POPDC3: variants seen among roughly 807,000 people sequenced by gnomAD.
The protein encoded by POPDC3 is popeye domain-containing protein 3.
A neutral mutation model predicts 28.2 loss-of-function variants in POPDC3; 20 were observed. The observed-to-expected ratio is 0.71, with a 90% CI of 0.50 to 1.03. The LOEUF (loss-of-function observed/expected upper bound fraction) is 1.03. Ranked by LOEUF, POPDC3 falls within the 50% of genes least tolerant of loss-of-function variation. The probability of loss-of-function intolerance (pLI) is 0.00; values close to 1 mark genes in which losing one functional copy is unlikely to be tolerated. For synonymous variants in POPDC3, 118 were observed against 124.1 expected (o/e 0.95, Z 0.33); for missense variants, 316 against 345.9 (o/e 0.91, Z 0.69).
Position 105,158,511 on chromosome 6 carries a change from T to A in POPDC3, c.835A>T (p.Thr279Ser). 6.2e-7 allele frequency: 1 copy of A among 1,613,986 alleles called. No homozygotes were observed. The highest frequency in any genetic ancestry group is 1.3e-5 in the African/African-American group (1 of 75,040). Residue 279 changes from threonine (T) to serine (S), a missense_variant, in exon 4 of 4, where the codon ACA becomes TCA. Transcript: ENST00000254765. ...CGTCTGGAATTCTGAAAATGTTGTG[T>A]CAGGGGTGATCTGCGTATTTCTGGA... is the stretch of plus-strand genomic sequence containing the variant. ...STPEIRRSPLTQHFQNSRRYC... is the reference protein window; with the variant it reads ...STPEIRRSPLSQHFQNSRRYC...
rs145514874 is a variant in POPDC3 at position 105,158,445 on chromosome 6, T to C, written c.*25A>G. 148 of 1,558,602 alleles carry C rather than the reference T, an allele frequency of 9.5e-5. 1 individual carries two copies. The African/African-American group carries it at 1.8e-3, about 19-fold the overall frequency. On this transcript the variant is annotated 3_prime_UTR_variant, in exon 4 of 4. Transcript: ENST00000254765. Reference sequence around the variant, plus strand: ...ATGATGAAGAGAGAGTCTTTTTTTATACTTATAAATTTCAGACTTTGATGT... The same window carrying C: ...ATGATGAAGAGAGAGTCTTTTTTTACACTTATAAATTTCAGACTTTGATGT...
intron 2 of POPDC3, among the ~76,000 whole-genome samples, chr6:105,160,986 T>C (rs1344547369): frequency 1.3e-5 from 2 of 152,202 alleles, no homozygotes; most frequent in African/African-American, 4.8e-5. Context: ...TCATGGGCAA[T>C]TGCTAGAATT....
At chr6:105,178,561 AAGACACACACACAC>A (rs1256204041) in intron 1 of POPDC3, 4 of 117,684 alleles carry the variant, frequency 3.4e-5, no homozygotes, top group African/African-American at 1.6e-4. Flanking sequence ...CAAACTCCTG[AAGACACACACACAC>A]ACACACACAC....
Position 105,158,451 on chromosome 6 carries a change from T to A in POPDC3, c.*19A>T, listed in dbSNP as rs533264918. On this transcript the variant is annotated 3_prime_UTR_variant, in exon 4 of 4. Coordinates refer to ENST00000254765, the MANE Select transcript of POPDC3 (RefSeq NM_022361.5). ...AAGAGAGAGTCTTTTTTTATACTTA[T>A]AAATTTCAGACTTTGATGTCATTTA... 3.8e-6 allele frequency: 6 copies of A among 1,575,420 alleles called. No individual in the cohort carries two copies. The highest frequency in any genetic ancestry group is 1.4e-5 in the African/African-American group (1 of 73,402).
At chr6:105,178,924 C>G in intron 1 of POPDC3, 2 of 985,394 alleles carry the variant, frequency 2.0e-6, no homozygotes, top group Non-Finnish European at 2.4e-6. Context: ...CTTGCAAATT[C>G]AAAATATCTA....
At position 105,161,261 on chromosome 6, in the gene POPDC3, T is replaced by C. The variant is rs1190285; in HGVS notation, c.485+164A>G. 0.92 allele frequency among the ~76,000 whole-genome samples: 140,586 copies of C among 152,272 alleles called. 65,042 individuals carry two copies. The highest frequency in any genetic ancestry group is 0.96 in the Non-Finnish European group (65,040 of 68,036). On this transcript the variant is annotated intron_variant, in intron 2 of 3. Transcript: ENST00000254765. The stretch of plus-strand genomic sequence containing the variant: ...TGCTTCAAGTAAATAATGCCATATA[T>C]TCTAAATGGCTATGTCTGTGACTCA...
At chr6:105,165,998 C>T (rs2114534432) in intron 1 of POPDC3, among the ~76,000 whole-genome samples, 1 of 152,262 alleles carries the variant, frequency 6.6e-6, no homozygotes, top group South Asian at 2.1e-4. Context: ...GTACTATTAT[C>T]TCCATTTTAC....
chr6:105,166,882 G>A (rs2114535890), intron 1 of POPDC3, among the ~76,000 whole-genome samples: 1 of 151,936 alleles, frequency 6.6e-6, no homozygotes, highest in South Asian at 2.1e-4. Context: ...GTGTGTGTGT[G>A]TGTGTGTGTG....
intron 1 of POPDC3, among the ~76,000 whole-genome samples, chr6:105,173,914 T>C (rs750835138): frequency 6.6e-6 from 1 of 150,538 alleles, no homozygotes; most frequent in Non-Finnish European, 1.5e-5. Context: ...AGAACAGAAA[T>C]AGAAGGAATG....
At chr6:105,173,805 G>A (rs1774628986) in intron 1 of POPDC3, among the ~76,000 whole-genome samples, 1 of 151,868 alleles carries the variant, frequency 6.6e-6, no homozygotes, top group African/African-American at 2.4e-5. Context: ...AATAATTGGT[G>A]TCTTTGAAGT....
At chr6:105,159,584 T>C in intron 3 of POPDC3, 127 bp downstream of exon 3, 6 of 603,712 alleles carry the variant, frequency 9.9e-6, no homozygotes, top group Non-Finnish European at 1.8e-5. Context: ...TCATGTATGC[T>C]GCAAAGTACA....
At chr6:105,161,103 TATTA>T (rs1774316547) in intron 2 of POPDC3, among the ~76,000 whole-genome samples, 1 of 152,266 alleles carries the variant, frequency 6.6e-6, no homozygotes, top group South Asian at 2.1e-4. Flanking sequence ...ATAAGTATTC[TATTA>T]ATTCAAGCTG....
chr6:105,165,556 C>T (rs543766249), intron 1 of POPDC3, among the ~76,000 whole-genome samples: 1 of 152,294 alleles, frequency 6.6e-6, no homozygotes, highest in African/African-American at 2.4e-5. Flanking sequence ...GATATTGTAA[C>T]ATCTTCTGTC....
chr6:105,172,900 G>T (rs1774608650), intron 1 of POPDC3, among the ~76,000 whole-genome samples: 1 of 110,742 alleles, frequency 9.0e-6, no homozygotes. Flanking sequence ...GTGGGGGGAG[G>T]GGGGAGGGAT....
intron 1 of POPDC3, among the ~76,000 whole-genome samples, chr6:105,177,996 T>C (rs965818386): frequency 5.3e-5 from 8 of 152,202 alleles, no homozygotes; most frequent in Non-Finnish European, 1.2e-4. Flanking sequence ...TATAACTACT[T>C]AGATAAAAGG....
At chr6:105,167,908 A>G (rs1285293292) in intron 1 of POPDC3, among the ~76,000 whole-genome samples, 1 of 152,194 alleles carries the variant, frequency 6.6e-6, no homozygotes. Flanking sequence ...GGCTTGCATT[A>G]TATTTCTATT....
chr6:105,177,563 G>C (rs1381580140), intron 1 of POPDC3, among the ~76,000 whole-genome samples: 1 of 152,194 alleles, frequency 6.6e-6, no homozygotes, highest in East Asian at 1.9e-4. Flanking sequence ...GAAGAACCAA[G>C]ATCAGCTGTG....
intron 1 of POPDC3, among the ~76,000 whole-genome samples, chr6:105,177,816 G>A (rs1261903366): frequency 2.0e-5 from 3 of 152,146 alleles, no homozygotes; most frequent in Non-Finnish European, 4.4e-5. Flanking sequence ...TTATTCTGTT[G>A]AAGAACACAA....
intron 1 of POPDC3, among the ~76,000 whole-genome samples, chr6:105,162,608 T>A (rs1018599540): frequency 1.3e-5 from 2 of 152,188 alleles, no homozygotes; most frequent in African/African-American, 4.8e-5. Context: ...GGCGTGCGCC[T>A]GGGATCCCAG....
Sources: gnomAD v4.1 joint callset for allele counts (sites outside exome capture counted in the v4.1 genomes callset) on GRCh38, gnomAD v4.1.1 for gene constraint, MANE v1.5 for transcripts, NCBI Gene and HGNC (gene_info 2026-07-23, HGNC 2026-07-21) for gene names.